ARHGAP32: variants seen among roughly 807,000 people sequenced by gnomAD.
ARHGAP32 encodes Rho GTPase activating protein 32.
Under a neutral mutation model 186.5 loss-of-function variants are expected in ARHGAP32, and 51 were observed. The ratio of observed to expected loss-of-function variants is 0.27; its 90% confidence interval spans 0.22 to 0.35. The LOEUF (loss-of-function observed/expected upper bound fraction) is 0.35. Among genes scored for constraint, ARHGAP32 ranks in the 10% least tolerant of loss-of-function variants. The probability of loss-of-function intolerance (pLI) is 1.00; values close to 1 mark genes in which losing one functional copy is unlikely to be tolerated. For synonymous variants in ARHGAP32, 950 were observed against 964.3 expected (o/e 0.99, Z 0.27); for missense variants, 2,186 against 2,623.5 (o/e 0.83, Z 3.64).
rs1245550936 is a variant in ARHGAP32 at position 128,969,776 on chromosome 11, C to T, written c.5437G>A (p.Gly1813Arg). ...VIHLRSKSDP[G>R]KTGLLSVAEG... is the part of the protein sequence containing the mutation. Reference sequence around the variant, plus strand: ...GCCACTGAGAGAAGTCCAGTTTTCCCAGGATCTGATTTACTACGCAGATGG... The same window carrying T: ...GCCACTGAGAGAAGTCCAGTTTTCCTAGGATCTGATTTACTACGCAGATGG... Residue 1813 changes from glycine (G) to arginine (R), a missense_variant, in exon 23 of 23, where the codon GGG becomes AGG. Transcript: ENST00000682385. This position sits in a 1 kb window ranked among gnomAD's most constrained non-coding sequence, Gnocchi z 4.8. 6 of 1,614,030 alleles carry T rather than the reference C, an allele frequency of 3.7e-6. No individual in the cohort carries two copies. In the East Asian group the frequency reaches 6.7e-5, roughly 18 times the overall value.
chr11:128,992,447 C>G (rs10893946), intron 12 of ARHGAP32, among the ~76,000 whole-genome samples: 1 of 151,148 alleles, frequency 6.6e-6, no homozygotes, highest in Non-Finnish European at 1.5e-5. Flanking sequence ...ACCACCACCA[C>G]CAACAACAAC....
chr11:128,977,936 T>C (rs1198353049), intron 19 of ARHGAP32, among the ~76,000 whole-genome samples: 1 of 151,166 alleles, frequency 6.6e-6, no homozygotes, highest in Admixed American at 6.6e-5. Flanking sequence ...AGGCTGGTCT[T>C]GAACTCCTGG....
At chr11:129,193,673 TAA>T (rs1249943261), upstream of ARHGAP32, among the ~76,000 whole-genome samples, 37 of 49,712 alleles carry the variant, frequency 7.4e-4, 1 homozygote, top group African/African-American at 2.0e-3. Context: ...ATATTATATA[TAA>T]TATATAATAT....
intron 12 of ARHGAP32, among the ~76,000 whole-genome samples, chr11:128,992,713 G>A (rs779069853): frequency 1.3e-5 from 2 of 152,114 alleles, no homozygotes; most frequent in Admixed American, 6.6e-5. Flanking sequence ...CTTGAACCTG[G>A]GAGGTGGAGG....
At chr11:129,248,217 A>T (rs532420776) in intron 1 of ARHGAP32, among the ~76,000 whole-genome samples, 43,682 of 148,970 alleles carry the variant, frequency 0.29, 6,451 homozygotes, top group Middle Eastern at 0.4. Flanking sequence ...TGTCTCAAAA[A>T]AAAAAAAAAA....
intron 1 of ARHGAP32, among the ~76,000 whole-genome samples, chr11:129,253,421 T>C (rs1945212034): frequency 6.6e-6 from 1 of 152,174 alleles, no homozygotes; most frequent in South Asian, 2.1e-4. Flanking sequence ...ATGCTCTTGT[T>C]TCCACAAGCA....
chr11:129,046,077 G>A (rs1047026435), intron 10 of ARHGAP32, among the ~76,000 whole-genome samples: 2 of 152,100 alleles, frequency 1.3e-5, no homozygotes, highest in African/African-American at 2.4e-5. Context: ...ACGGGGGAAA[G>A]GCCTTCATTT....
rs924708405 is a variant in ARHGAP32, at chr11:129,123,015, T to C, written c.444+431A>G. Reference sequence around the variant, plus strand: ...GTTGATGTCAAGTTAGATTCAATAATTTGTATGTGAATGAAAAGGCAGTAA... The same window carrying C: ...GTTGATGTCAAGTTAGATTCAATAACTTGTATGTGAATGAAAAGGCAGTAA... On this transcript the variant is annotated intron_variant, in intron 5 of 22. Coordinates refer to ENST00000682385, the MANE Select transcript of ARHGAP32 (RefSeq NM_001378024.1). This position sits in a 1 kb window ranked among gnomAD's most constrained non-coding sequence, Gnocchi z 4.6. Among the ~76,000 whole-genome samples, 1 of 152,134 alleles carries C rather than the reference T, an allele frequency of 6.6e-6. No individual in the cohort carries two copies. The highest frequency in any genetic ancestry group is 1.5e-5 in the Non-Finnish European group (1 of 67,992).
intron 9 of ARHGAP32, 57 bp downstream of exon 9, chr11:129,063,845 G>A: frequency 6.5e-7 from 1 of 1,542,346 alleles, no homozygotes; most frequent in Non-Finnish European, 8.7e-7. Flanking sequence ...AACAGTCAAA[G>A]ATGAGGCCAG....
At chr11:129,273,722 C>CTACA (rs953847769) in intron 1 of ARHGAP32, among the ~76,000 whole-genome samples, 4 of 152,146 alleles carry the variant, frequency 2.6e-5, no homozygotes, top group Non-Finnish European at 5.9e-5. Context: ...TGTTTCCATG[C>CTACA]TACACACAGG....
intron 6 of ARHGAP32, among the ~76,000 whole-genome samples, chr11:129,086,572 A>G (rs896005922): frequency 1.3e-5 from 2 of 152,192 alleles, no homozygotes; most frequent in Non-Finnish European, 2.9e-5. Context: ...CTGTAATCCC[A>G]GCACTTTGGG....
intron 11 of ARHGAP32, among the ~76,000 whole-genome samples, chr11:129,014,436 T>C (rs138523079): frequency 5.8e-4 from 89 of 152,304 alleles, no homozygotes; most frequent in African/African-American, 2.1e-3. Context: ...ATACTTTCTC[T>C]AAAGTTCTAG....
intron 19 of ARHGAP32, among the ~76,000 whole-genome samples, chr11:128,976,930 T>A (rs1945561639): frequency 6.6e-6 from 1 of 152,224 alleles, no homozygotes; most frequent in South Asian, 2.1e-4. Context: ...TTCTTTTACA[T>A]TTCCTAAAGA....
intron 6 of ARHGAP32, among the ~76,000 whole-genome samples, chr11:129,088,261 AT>A (rs1941468960): frequency 6.6e-6 from 1 of 152,240 alleles, no homozygotes; most frequent in African/African-American, 2.4e-5. Flanking sequence ...AGAACTTTAA[AT>A]GTAAAGTACT....
chr11:129,064,195 C>T (rs763693651), intron 8 of ARHGAP32, among the ~76,000 whole-genome samples, 171 bp from the exon 9 acceptor site: 139 of 150,894 alleles, frequency 9.2e-4, no homozygotes, highest in Non-Finnish European at 1.8e-3. Context: ...TTGTGCTGTG[C>T]CTATAACATA....
At position 129,060,387 on chromosome 11, in the gene ARHGAP32, TAGAC is replaced by T. The variant is rs887233865; in HGVS notation, c.963+1889_963+1892del. 2.0e-3 allele frequency among the ~76,000 whole-genome samples: 285 copies of T among 143,182 alleles called. 1 individual carries two copies. The highest frequency in any genetic ancestry group is 6.4e-3 in the African/African-American group (249 of 39,124). The allele number at this position is 143,182 out of a possible 152,430, so 93.9% of individuals were successfully genotyped here. On this transcript the variant is annotated intron_variant, in intron 10 of 22. Transcript: ENST00000682385. ...TAGATAGATAGATAGATAGATAAGA[TAGAC>T]AGACAGACAGACAGACAGAAGAAAG...
rs759972411 is a variant in ARHGAP32, at chr11:128,978,778, G to A, written c.2114C>T (p.Ala705Val). Reference sequence around the variant, plus strand: ...ATCTCCCAGGCACTCACCTTTCAGAGCCATGGCTTTCATCTCTGAAGGCTC... The same window carrying A: ...ATCTCCCAGGCACTCACCTTTCAGAACCATGGCTTTCATCTCTGAAGGCTC... ...ESEPSEMKAM[A>V]LKGGRAEGTL... The change falls in exon 19 of 23, where the codon GCT becomes GTT. Residue 705 changes from alanine to valine, a missense_variant. This residue lies in a region of ARHGAP32 where 263 missense variants were observed against 323.5 expected (regional missense o/e 0.81). Transcript: ENST00000682385. 1 of 1,609,802 alleles carries A rather than the reference G, an allele frequency of 6.2e-7. No individual in the cohort carries two copies. Among genetic ancestry groups the A allele is most frequent in the Non-Finnish European group, 8.5e-7 (1 of 1,178,784 alleles).
intron 2 of ARHGAP32, among the ~76,000 whole-genome samples, chr11:129,144,766 T>C (rs927504091): frequency 1.3e-5 from 2 of 152,168 alleles, no homozygotes; most frequent in Non-Finnish European, 2.9e-5. Context: ...GGAAAAAACA[T>C]GATTTCTGAA....
chr11:129,047,327 T>C (rs1939852997), intron 10 of ARHGAP32, among the ~76,000 whole-genome samples: 1 of 152,196 alleles, frequency 6.6e-6, no homozygotes, highest in Non-Finnish European at 1.5e-5. Flanking sequence ...TTTCATTTTC[T>C]GACTACAACT....
Sources: gnomAD v4.1 joint callset for allele counts (sites outside exome capture counted in the v4.1 genomes callset) on GRCh38, gnomAD v4.1.1 for gene constraint, gnomAD v4.1.1 regional missense constraint, Gnocchi (gnomAD v3.1) non-coding constraint, MANE v1.5 for transcripts, NCBI Gene and HGNC (gene_info 2026-07-23, HGNC 2026-07-21) for gene names.